LAMA2: variants seen among roughly 807,000 people sequenced by gnomAD.
LAMA2 encodes laminin subunit alpha-2.
A neutral mutation model predicts 364.8 loss-of-function variants in LAMA2; 269 were observed. The observed-to-expected ratio is 0.74, with a 90% CI of 0.67 to 0.82. The LOEUF (loss-of-function observed/expected upper bound fraction) is 0.82, where lower values mean the gene tolerates loss of function less well. LAMA2 is among the 40% of genes least tolerant of loss of function. The pLI is 0.00. For missense variants in LAMA2, 3,807 were observed against 3,873.2 expected, an observed-to-expected ratio of 0.98 and a Z score of 0.45; for synonymous variants, 1,379 against 1,370.6, an observed-to-expected ratio of 1.01 and a Z score of -0.14.
intron 10 of LAMA2, among the ~76,000 whole-genome samples, chr6:129,179,414 T>A (rs1295026755): frequency 3.3e-5 from 5 of 152,142 alleles, no homozygotes; most frequent in Admixed American, 2.6e-4. Flanking sequence ...TGGTGATGTC[T>A]GGTATTTGCA....
intron 12 of LAMA2, among the ~76,000 whole-genome samples, chr6:129,214,954 G>A (rs1355427968): frequency 3.9e-5 from 6 of 152,018 alleles, no homozygotes; most frequent in Non-Finnish European, 8.8e-5. Flanking sequence ...TCTTTCACTG[G>A]AGTTTTATAG....
intron 1 of LAMA2, among the ~76,000 whole-genome samples, chr6:129,011,550 C>G (rs1215693776): frequency 6.6e-6 from 1 of 152,120 alleles, no homozygotes; most frequent in Non-Finnish European, 1.5e-5. Flanking sequence ...AAGAGATTTA[C>G]TCTTACTCTG....
At chr6:128,933,711 T>C (rs1029477791) in intron 1 of LAMA2, among the ~76,000 whole-genome samples, 1 of 152,234 alleles carries the variant, frequency 6.6e-6, no homozygotes, top group Non-Finnish European at 1.5e-5. Flanking sequence ...GTTGGCCATT[T>C]GTATGTCTCT....
chr6:129,237,447 T>C (rs1194919211), intron 12 of LAMA2, among the ~76,000 whole-genome samples: 1 of 152,000 alleles, frequency 6.6e-6, no homozygotes, highest in Admixed American at 6.6e-5. Flanking sequence ...AGTGATTCTC[T>C]GCCTCAGCCT....
At chr6:129,342,864 T>C (rs1363101438) in intron 30 of LAMA2, among the ~76,000 whole-genome samples, 1 of 152,154 alleles carries the variant, frequency 6.6e-6, no homozygotes, top group Non-Finnish European at 1.5e-5. Context: ...GCTGTTTCCA[T>C]TTATTTTATG....
chr6:129,182,251 A>G (rs538340857), intron 10 of LAMA2, among the ~76,000 whole-genome samples: 1 of 151,910 alleles, frequency 6.6e-6, no homozygotes, highest in Admixed American at 6.6e-5. Context: ...AGTACCAGTG[A>G]AAATCTGTGA....
At chr6:129,170,141 G>T (rs879579532) in intron 9 of LAMA2, among the ~76,000 whole-genome samples, 1,874 of 150,468 alleles carry the variant, frequency 0.012, 68 homozygotes, top group Admixed American at 0.085. Flanking sequence ...TTTTTGAAGG[G>T]TTTTTTGTGT....
intron 1 of LAMA2, among the ~76,000 whole-genome samples, chr6:128,998,473 T>A (rs1316287276): frequency 1.4e-5 from 1 of 73,166 alleles, no homozygotes; most frequent in East Asian, 2.0e-4. Flanking sequence ...TTTCTGCATT[T>A]CCATCTGAGG....
chr6:129,397,640 C>G (rs1779725938), intron 37 of LAMA2, among the ~76,000 whole-genome samples: 2 of 151,918 alleles, frequency 1.3e-5, no homozygotes. Flanking sequence ...AACAAGACAC[C>G]TCTAAAATTT....
intron 1 of LAMA2, among the ~76,000 whole-genome samples, chr6:128,910,960 G>A (rs915906825): frequency 1.2e-4 from 18 of 151,354 alleles, no homozygotes; most frequent in African/African-American, 4.4e-4. Flanking sequence ...GGGGTCAGGG[G>A]TCAGGGACCC....
At chr6:129,052,351 T>C (rs1200819266) in intron 2 of LAMA2, among the ~76,000 whole-genome samples, 6 of 149,218 alleles carry the variant, frequency 4.0e-5, no homozygotes, top group African/African-American at 1.2e-4. Context: ...GGTTTCACCG[T>C]GTTAGCTAGC....
intron 22 of LAMA2, among the ~76,000 whole-genome samples, chr6:129,308,053 A>G (rs141873905): frequency 3.6e-4 from 55 of 152,376 alleles, no homozygotes; most frequent in African/African-American, 1.3e-3. Context: ...GCTGACCTAG[A>G]GGAAAACAAG....
chr6:129,098,464 G>T, intron 4 of LAMA2, 49 bp downstream of exon 4: 1 of 1,605,108 alleles, frequency 6.2e-7, no homozygotes. Flanking sequence ...CGGTGAAATA[G>T]GCCTGTCAGA....
intron 1 of LAMA2, chr6:128,905,617 T>C (rs28693972): frequency 1.3e-5 from 2 of 151,966 alleles, no homozygotes; most frequent in South Asian, 2.1e-4. Flanking sequence ...TTCGTTTTTT[T>C]ATTTTTTATT....
At chr6:129,441,476 A>G (rs1439281697) in intron 43 of LAMA2, among the ~76,000 whole-genome samples, 1 of 152,156 alleles carries the variant, frequency 6.6e-6, no homozygotes, top group Non-Finnish European at 1.5e-5. Context: ...TTTAGATTCC[A>G]GTTACATCAC....
chr6:128,974,488 GT>G (rs1288041078), intron 1 of LAMA2, among the ~76,000 whole-genome samples: 2 of 152,110 alleles, frequency 1.3e-5, no homozygotes, highest in Non-Finnish European at 2.9e-5. Context: ...TCAGTTAAAG[GT>G]TTTAAGGAGT....
intron 44 of LAMA2, 132 bp downstream of exon 44, chr6:129,443,200 A>G (rs1431593260): frequency 6.3e-6 from 4 of 632,092 alleles, no homozygotes; most frequent in African/African-American, 1.9e-5. Flanking sequence ...TTCCACTGTT[A>G]CAGTATTAAT....
At chr6:129,481,567 C>A in intron 55 of LAMA2, 128 bp downstream of exon 55, 1 of 791,202 alleles carries the variant, frequency 1.3e-6, no homozygotes, top group Non-Finnish European at 2.2e-6. Flanking sequence ...ACTGAACATT[C>A]CATATTTCCA....
chr6:129,101,313 G>A (rs1020759678), intron 4 of LAMA2, among the ~76,000 whole-genome samples: 2 of 152,108 alleles, frequency 1.3e-5, no homozygotes, highest in African/African-American at 4.8e-5. Flanking sequence ...CTCCAATAAT[G>A]CCTATGTGTT....
Sources: allele counts gnomAD v4.1 joint callset (sites outside exome capture counted in the v4.1 genomes callset), GRCh38; gene constraint gnomAD v4.1.1; transcripts MANE v1.5; gene names NCBI Gene and HGNC (gene_info 2026-07-23, HGNC 2026-07-21).